TNRC6C: variants seen among roughly 807,000 people sequenced by gnomAD.
The protein encoded by TNRC6C is trinucleotide repeat containing adaptor 6C.
TNRC6C carries 20 observed loss-of-function variants against 153.7 expected under a neutral mutation model. The observed-to-expected ratio is 0.13, with a 90% CI of 0.09 to 0.19. The LOEUF is 0.19. Among genes scored for constraint, TNRC6C ranks in the 10% least tolerant of loss-of-function variants. The pLI is 1.00. For missense variants in TNRC6C, 1,987 were observed against 2,172.0 expected, an observed-to-expected ratio of 0.91 and a Z score of 1.69; for synonymous variants, 811 against 841.4, an observed-to-expected ratio of 0.96 and a Z score of 0.63.
At position 77,968,402 on chromosome 17, in the gene TNRC6C, C is replaced by T. The variant is rs544827702; in HGVS notation, c.-38+9134C>T. 7.9e-5 allele frequency among the ~76,000 whole-genome samples: 12 copies of T among 151,402 alleles called. No individual in the cohort carries two copies. The East Asian group carries it at 1.6e-3, about 20-fold the overall frequency. On this transcript the variant is annotated intron_variant, in intron 1 of 22. Coordinates refer to the TNRC6C transcript ENST00000636222. ...TGTCGCCCAGACTAGAGTGCGGTAG[C>T]GTGATGTCAGCTCACTGCAACCTCC...
At chr17:77,981,898 C>T (rs749488140) in intron 1 of TNRC6C, among the ~76,000 whole-genome samples, 2 of 152,142 alleles carry the variant, frequency 1.3e-5, no homozygotes, top group Non-Finnish European at 2.9e-5. Flanking sequence ...GATTTGACAA[C>T]CCCTAGGTAT....
chr17:78,099,521 A>G (rs1434338744), intron 17 of TNRC6C, among the ~76,000 whole-genome samples: 1 of 152,176 alleles, frequency 6.6e-6, no homozygotes, highest in Non-Finnish European at 1.5e-5. Flanking sequence ...GGAAACTCCC[A>G]TTTTTAAAAC....
chr17:78,056,941 G>A (rs2072670986), intron 3 of TNRC6C, among the ~76,000 whole-genome samples: 1 of 151,986 alleles, frequency 6.6e-6, no homozygotes, highest in Non-Finnish European at 1.5e-5. Flanking sequence ...AAAATGTGCT[G>A]TAACTGCTAC....
At chr17:78,100,363 A>G (rs1359505298) in intron 17 of TNRC6C, among the ~76,000 whole-genome samples, 1 of 152,186 alleles carries the variant, frequency 6.6e-6, no homozygotes, top group Non-Finnish European at 1.5e-5. Flanking sequence ...GCATTTCCGT[A>G]TATCCTCTGA....
At chr17:78,006,842 TGAGATGGAG>T in intron 1 of TNRC6C, among the ~76,000 whole-genome samples, 1 of 148,784 alleles carries the variant, frequency 6.7e-6, no homozygotes. Flanking sequence ...TTTTTTTTTT[TGAGATGGAG>T]TCTTGCTCTA....
chr17:77,959,850 T>C (rs532932209), intron 1 of TNRC6C, among the ~76,000 whole-genome samples: 17 of 152,160 alleles, frequency 1.1e-4, no homozygotes, highest in Non-Finnish European at 2.4e-4. Flanking sequence ...GAGCGCCTGG[T>C]TGCCGCCTCT....
chr17:78,056,591 G>A (rs2072660185), intron 3 of TNRC6C, among the ~76,000 whole-genome samples: 1 of 151,796 alleles, frequency 6.6e-6, no homozygotes, highest in East Asian at 1.9e-4. Flanking sequence ...AGCCTCCCGA[G>A]TAGCTAGGAC....
exon 17 of TNRC6C, chr17:78,098,403 C>G (rs1232779267): frequency 6.2e-7 from 1 of 1,613,986 alleles, no homozygotes; most frequent in South Asian, 1.1e-5. Flanking sequence ...ACGCAAGCCT[C>G]TCTGTCTCAT....
chr17:78,062,278 G>C (rs979277781), intron 3 of TNRC6C, among the ~76,000 whole-genome samples: 1 of 152,120 alleles, frequency 6.6e-6, no homozygotes. Context: ...TCAGCATAGA[G>C]CTTGTAATTT....
At chr17:77,979,791 A>G (rs61556791) in intron 1 of TNRC6C, among the ~76,000 whole-genome samples, 4,274 of 148,176 alleles carry the variant, frequency 0.029, 187 homozygotes, top group African/African-American at 0.11. Flanking sequence ...AAAAATTGCC[A>G]AAACAAAGAA....
rs150755282 is a variant in TNRC6C, at chr17:78,100,458, G to A, written c.4501+1921G>A. 5.3e-3 allele frequency among the ~76,000 whole-genome samples: 807 copies of A among 152,358 alleles called. 3 individuals are homozygous for A. The highest frequency in any genetic ancestry group is 0.019 in the African/African-American group (775 of 41,590). ...ACCACGTGGAAGCTGCCAAGGCTTGGAGATTGCTCCCTCTGAAGCCATGGC... is the reference window on the plus strand; with the variant it reads ...ACCACGTGGAAGCTGCCAAGGCTTGAAGATTGCTCCCTCTGAAGCCATGGC... On this transcript the variant is annotated intron_variant, in intron 17 of 19. Transcript: ENST00000301624.
chr17:77,996,517 T>C (rs1009635552), intron 1 of TNRC6C, among the ~76,000 whole-genome samples: 2 of 152,174 alleles, frequency 1.3e-5, no homozygotes. Flanking sequence ...TTCCAAGATA[T>C]GTCTTGATTG....
chr17:78,013,097 A>G (rs2143408300), intron 1 of TNRC6C, among the ~76,000 whole-genome samples: 1 of 151,878 alleles, frequency 6.6e-6, no homozygotes, highest in Admixed American at 6.5e-5. Flanking sequence ...GAGCACCCTT[A>G]CCAAGCTATT....
chr17:78,097,656 T>C, intron 16 of TNRC6C, 89 bp from the exon 19 acceptor site: 1 of 891,080 alleles, frequency 1.1e-6, no homozygotes, highest in Non-Finnish European at 1.7e-6. Context: ...AGGGAGAGGT[T>C]GATTCCTGAT....
intron 13 of TNRC6C, among the ~76,000 whole-genome samples, chr17:78,090,616 A>G (rs757202314): frequency 3.3e-5 from 5 of 152,082 alleles, no homozygotes; most frequent in Non-Finnish European, 5.9e-5. Context: ...CTTTACTTCA[A>G]CCTTCTTTTC....
intron 11 of TNRC6C, 62 bp from the exon 14 acceptor site, chr17:78,086,441 G>A: frequency 1.5e-6 from 2 of 1,367,374 alleles, no homozygotes; most frequent in Non-Finnish European, 2.0e-6. Flanking sequence ...TCAGAAAGTT[G>A]AACCATTAGT....
intron 1 of TNRC6C, among the ~76,000 whole-genome samples, chr17:77,967,025 A>G (rs1431000178): frequency 6.6e-6 from 1 of 152,234 alleles, no homozygotes. Context: ...TTAAGGAATA[A>G]TAGATTCTTT....
upstream of TNRC6C, among the ~76,000 whole-genome samples, chr17:77,958,558 T>A (rs2070830800): frequency 6.6e-6 from 1 of 151,900 alleles, no homozygotes; most frequent in Non-Finnish European, 1.5e-5. Flanking sequence ...AGAGTGCCGA[T>A]TGGCCAGTTC....
In TNRC6C at chr17:78,095,893, A is replaced by G. The variant is rs2073477312; in HGVS notation, c.4306+2130A>G. ...ACCCTGGCTCTACAAAAAATTAAAAATGAAAAAATTAGCTGCGTGTGGTGG... is the reference window on the plus strand; with the variant it reads ...ACCCTGGCTCTACAAAAAATTAAAAGTGAAAAAATTAGCTGCGTGTGGTGG... On this transcript the variant is annotated intron_variant, in intron 16 of 19. Coordinates refer to ENST00000301624, the Ensembl canonical transcript of TNRC6C. Among the ~76,000 whole-genome samples, 3 of 152,328 alleles carry G rather than the reference A, an allele frequency of 2.0e-5. No individual in the cohort carries two copies. In the South Asian group the frequency reaches 6.2e-4, roughly 32 times the overall value.
Sources: allele counts gnomAD v4.1 joint callset (sites outside exome capture counted in the v4.1 genomes callset), GRCh38; gene constraint gnomAD v4.1.1; transcripts MANE v1.5; gene names NCBI Gene and HGNC (gene_info 2026-07-23, HGNC 2026-07-21).